Variants in TRPM1 observed in about 807,000 individuals in gnomAD.
TRPM1 encodes the protein transient receptor potential cation channel subfamily M member 1, also known as TRPM1-203 APA Isoform, Intron 10.
Under a neutral mutation model 149.4 loss-of-function variants are expected in TRPM1, and 113 were observed. The observed-to-expected ratio is 0.76, with a 90% CI of 0.65 to 0.88. The LOEUF is 0.88. Among genes scored for constraint, TRPM1 ranks in the 40% least tolerant of loss-of-function variants. The probability of loss-of-function intolerance (pLI) is 0.00; values close to 1 mark genes in which losing one functional copy is unlikely to be tolerated. For missense variants in TRPM1, 1,976 were observed against 2,038.7 expected, an observed-to-expected ratio of 0.97 and a Z score of 0.59; for synonymous variants, 741 against 759.5, an observed-to-expected ratio of 0.98 and a Z score of 0.40.
At chr15:31,092,816 C>T (rs568413797) in intron 1 of TRPM1, among the ~76,000 whole-genome samples, 4 of 152,292 alleles carry the variant, frequency 2.6e-5, no homozygotes, top group Admixed American at 2.6e-4. Context: ...AGACAAACTG[C>T]AGCTACCATA....
chr15:31,041,942 G>A lies in TRPM1; in HGVS notation c.2087+9C>T. The A allele has an allele frequency of 6.2e-7, 1 of 1,614,058 alleles. No individual in the cohort carries two copies. Among genetic ancestry groups the A allele is most frequent in the African/African-American group, 1.3e-5 (1 of 75,024 alleles). ...TCTCCTGGCCTTTAAATCCCCGCTA[G>A]ACACTAACTTGGAATTGTTATCCAA... On this transcript the variant is annotated intron_variant, in intron 17 of 27. Coordinates refer to ENST00000256552, the MANE Select transcript of TRPM1 (RefSeq NM_001252024.2).
At chr15:31,090,725 A>G (rs1231366618) in intron 1 of TRPM1, among the ~76,000 whole-genome samples, 4 of 152,122 alleles carry the variant, frequency 2.6e-5, no homozygotes, top group African/African-American at 9.7e-5. Flanking sequence ...CTTTACTATT[A>G]AGGCCATTTC....
At chr15:31,148,329 C>T (rs570113639) in intron 1 of TRPM1, among the ~76,000 whole-genome samples, 2 of 152,270 alleles carry the variant, frequency 1.3e-5, no homozygotes, top group Non-Finnish European at 1.5e-5. Context: ...AATGAGGTTG[C>T]GCTCACACCC....
At chr15:31,155,281 G>A (rs1031885750) in intron 1 of TRPM1, among the ~76,000 whole-genome samples, 6 of 152,198 alleles carry the variant, frequency 3.9e-5, no homozygotes, top group Admixed American at 2.6e-4. Context: ...AGCCGGGGGC[G>A]TGCCTGCTAC....
At chr15:31,135,749 G>A (rs1434865566) in intron 1 of TRPM1, among the ~76,000 whole-genome samples, 1 of 152,044 alleles carries the variant, frequency 6.6e-6, no homozygotes, top group Non-Finnish European at 1.5e-5. Context: ...AGAAGAGCCT[G>A]GCACCTCTCT....
chr15:31,084,861 AT>A (rs2034958643), intron 1 of TRPM1, among the ~76,000 whole-genome samples: 1 of 118,394 alleles, frequency 8.4e-6, no homozygotes, highest in Non-Finnish European at 1.8e-5. Context: ...TTTTTTTGGT[AT>A]TTTTTAGTAG....
chr15:31,061,900 C>T (rs1221870884), intron 9 of TRPM1, among the ~76,000 whole-genome samples: 1 of 152,058 alleles, frequency 6.6e-6, no homozygotes, highest in East Asian at 1.9e-4. Context: ...GTTGGCCAGG[C>T]CGGTCTCAAA....
At chr15:31,014,388 A>G (rs2032287036) in intron 27 of TRPM1, among the ~76,000 whole-genome samples, 1 of 152,310 alleles carries the variant, frequency 6.6e-6, no homozygotes, top group South Asian at 2.1e-4. Flanking sequence ...AGTAATTATA[A>G]TTCTTTGCAT....
chr15:31,045,933 G>T (rs2033749001), intron 16 of TRPM1, among the ~76,000 whole-genome samples: 1 of 151,992 alleles, frequency 6.6e-6, no homozygotes, highest in African/African-American at 2.4e-5. Flanking sequence ...TTTACTTATG[G>T]TTTTTGCATA....
At chr15:31,110,849 C>A (rs1172129300) in intron 1 of TRPM1, among the ~76,000 whole-genome samples, 1 of 151,852 alleles carries the variant, frequency 6.6e-6, no homozygotes, top group Non-Finnish European at 1.5e-5. Context: ...TTCTTTCTCT[C>A]TCTCTCACTT....
chr15:31,059,844 TGAA>T (rs1197246712), intron 11 of TRPM1, among the ~76,000 whole-genome samples: 6 of 152,216 alleles, frequency 3.9e-5, no homozygotes, highest in South Asian at 2.1e-4. Flanking sequence ...CTGCTTTGAC[TGAA>T]GAAGAAGTAG....
chr15:31,091,359 C>T (rs917997843), intron 1 of TRPM1, among the ~76,000 whole-genome samples: 1 of 152,264 alleles, frequency 6.6e-6, no homozygotes, highest in South Asian at 2.1e-4. Flanking sequence ...TGGACGATGT[C>T]ACTATCCATG....
In TRPM1 at chr15:31,109,564, G is replaced by A. The variant is rs145937660; in HGVS notation, c.55-32580C>T. 5.8e-3 allele frequency among the ~76,000 whole-genome samples: 874 copies of A among 151,172 alleles called. 6 individuals carry two copies. Among genetic ancestry groups the A allele is most frequent in the African/African-American group, 0.02 (816 of 41,156 alleles). On this transcript the variant is annotated intron_variant, in intron 1 of 26. Transcript: ENST00000542188. ...AAATACAAAAAATTAGCTGGGCGTG[G>A]TGGTGGGTGCCTGTAATCCCAGCTA...
chr15:31,145,805 T>C (rs188865116), intron 1 of TRPM1, among the ~76,000 whole-genome samples: 109 of 152,246 alleles, frequency 7.2e-4, no homozygotes, highest in Non-Finnish European at 1.4e-3. Context: ...TATTTGATTT[T>C]AGTTGGTTTG....
At chr15:31,130,577 A>G (rs2036004006) in intron 1 of TRPM1, among the ~76,000 whole-genome samples, 3 of 152,158 alleles carry the variant, frequency 2.0e-5, no homozygotes, top group Non-Finnish European at 2.9e-5. Flanking sequence ...AACCTCCTCA[A>G]ATTGCTTCTG....
At chr15:31,087,338 G>A (rs59335451) in intron 1 of TRPM1, among the ~76,000 whole-genome samples, 1 of 138,498 alleles carries the variant, frequency 7.2e-6, no homozygotes, top group Non-Finnish European at 1.5e-5. Flanking sequence ...TCCGCCTCCC[G>A]GGTTCACGCC....
At chr15:31,125,711 C>G (rs1236021771) in intron 1 of TRPM1, among the ~76,000 whole-genome samples, 3 of 90,906 alleles carry the variant, frequency 3.3e-5, no homozygotes, top group Non-Finnish European at 5.7e-5. Context: ...GCCTGGGCGA[C>G]AGAGCGAGAC....
chr15:31,071,644 T>C (rs1271386405), intron 3 of TRPM1, among the ~76,000 whole-genome samples: 1 of 152,024 alleles, frequency 6.6e-6, no homozygotes, highest in Non-Finnish European at 1.5e-5. Flanking sequence ...ATATAATTCA[T>C]GTAATACATA....
chr15:31,060,267 C>A (rs1320794428), intron 11 of TRPM1: 2 of 524,298 alleles, frequency 3.8e-6, no homozygotes, highest in Admixed American at 3.2e-5. Context: ...ATTTCTTCTT[C>A]TTTTTCTTTA....
Sources: gnomAD v4.1 joint callset for allele counts (sites outside exome capture counted in the v4.1 genomes callset) on GRCh38, gnomAD v4.1.1 for gene constraint, MANE v1.5 for transcripts, NCBI Gene and HGNC (gene_info 2026-07-23, HGNC 2026-07-21) for gene names.